ZNF599: variants seen among roughly 807,000 people sequenced by gnomAD.
ZNF599 encodes the protein zinc finger protein 599.
In ZNF599, 10 loss-of-function variants were observed where a neutral mutation model predicts 11.7. That is an observed-to-expected ratio of 0.86 (90% CI 0.53 to 1.45). ZNF599 has a LOEUF of 1.45. Among genes scored for constraint, ZNF599 ranks in the 40% most tolerant of loss-of-function variants. ZNF599 has a pLI of 0.00. For missense variants in ZNF599, 688 were observed against 713.6 expected (o/e 0.96, Z 0.41); for synonymous variants, 232 against 253.2 (o/e 0.92, Z 0.79).
At chr19:34,765,421 C>A in intron 3 of ZNF599, 1 of 617,914 alleles carries the variant, frequency 1.6e-6, no homozygotes, top group Non-Finnish European at 2.9e-6. Flanking sequence ...CTGCCTATGA[C>A]ACGCCTGAGA....
Position 34,773,152 on chromosome 19 carries a change from T to G in ZNF599, c.-311A>C, listed in dbSNP as rs2069197075. On this transcript the variant is annotated 5_prime_UTR_variant, in exon 1 of 4. Transcript: ENST00000329285. ...GAAAAGTGGCCCCTGTCTGGCGTTC[T>G]ACCCAGTGTAGCGTTGGCAACCACA... The G allele has an allele frequency of 1.1e-5, 4 of 369,250 alleles. No individual in the cohort carries two copies. The highest frequency in any genetic ancestry group is 1.9e-5 in the Non-Finnish European group (4 of 206,236). The allele number at this position is 369,250 out of a possible 1,614,324, so 22.9% of individuals were successfully genotyped here. A position where few individuals can be genotyped will look rare whatever the true frequency, so the allele number is the denominator to read the frequency against.
chr19:34,772,426 A>G (rs1050383952), intron 1 of ZNF599: 1 of 1,042,932 alleles, frequency 9.6e-7, no homozygotes, highest in Non-Finnish European at 1.2e-6. Flanking sequence ...AGCAGGACCT[A>G]GAGAGTCCTT....
rs1479773425 is a variant in ZNF599, at chr19:34,773,056, T to G, written c.-215A>C. ...AGGGTTTTGCAGACGCTTGTGGGGG[T>G]GGGATCGCGGCTGACATAAAAGCGT... On this transcript the variant is annotated 5_prime_UTR_variant, in exon 1 of 4. Coordinates refer to ENST00000329285, the MANE Select transcript of ZNF599 (RefSeq NM_001007248.3). 3 of 552,692 alleles carry G rather than the reference T, an allele frequency of 5.4e-6. No individual in the cohort carries two copies. In the African/African-American group the frequency reaches 6.1e-5, roughly 11 times the overall value. 34.2% of individuals were successfully genotyped at this position (552,692 alleles called of 1,614,324 possible).
Position 34,769,480 on chromosome 19 carries a change from T to C in ZNF599, c.94A>G (p.Thr32Ala), listed in dbSNP as rs560515094. ...EWGHLDLAQR[T>A]LYQEVMLETC... is the part of the protein sequence containing the mutation. ...TCCAGCATCACCTCCTGGTACAGGG[T>C]CCTCTGGGCCAGGTCCAGGTGCCCC... Residue 32 changes from threonine (T) to alanine (A), a missense_variant, in exon 2 of 4, where the codon ACC becomes GCC. Physicochemically the swap from Thr to Ala is moderately conservative, Grantham distance 58. Transcript: ENST00000329285. The C allele has an allele frequency of 1.2e-6, 2 of 1,614,130 alleles. No homozygotes were observed. The highest frequency in any genetic ancestry group is 2.2e-5 in the South Asian group (2 of 91,068).
At chr19:34,779,426 C>A in the ZNF599 span, 2 of 455,046 alleles carry the variant, frequency 4.4e-6, no homozygotes, top group Admixed American at 4.7e-5. Flanking sequence ...AGTCACTACA[C>A]TCATGAAAAC....
the ZNF599 span, among the ~76,000 whole-genome samples, chr19:34,807,190 CTCTCCCGCT>C: frequency 6.6e-6 from 1 of 152,210 alleles, no homozygotes; most frequent in African/African-American, 2.4e-5. Flanking sequence ...CACCCATGAG[CTCTCCCGCT>C]TCCCCCAGCC....
rs139293780 is a variant in ZNF599 at position 34,760,273 on chromosome 19, A to G, written c.528T>C (p.Asp176=). The part of the protein sequence containing the change: ...RVLQERVTPQ[D]ALHECDSQGP... ...CTTGAGAGTCACACTCATGGAGAGC[A>G]TCTTGTGGAGTGACTCGTTCCTGTA... The change falls in exon 4 of 4, where the codon GAT becomes GAC. Residue 176 remains aspartate (D), a synonymous_variant. Coordinates refer to ENST00000329285, the MANE Select transcript of ZNF599 (RefSeq NM_001007248.3). The G allele has an allele frequency of 9.4e-4, 1,524 of 1,614,052 alleles. 3 individuals carry two copies. The highest frequency in any genetic ancestry group is 1.3e-3 in the Non-Finnish European group (1,479 of 1,180,042).
In ZNF599 at chr19:34,758,504, G is replaced by A. The variant is rs2145445817; in HGVS notation, c.*530C>T. On this transcript the variant is annotated 3_prime_UTR_variant, in exon 4 of 4. Transcript: ENST00000329285. The stretch of plus-strand genomic sequence containing the variant: ...CAATGGTCCAACTCTCCTGGCTCTG[G>A]ACTTAGAGATATATATATGTAAAAC... 1 of 152,498 alleles carries A rather than the reference G, an allele frequency of 6.6e-6. No individual in the cohort carries two copies. Among genetic ancestry groups the A allele is most frequent in the African/African-American group, 2.4e-5 (1 of 41,538 alleles). The allele number at this position is 152,498 out of a possible 1,614,324, so 9.4% of individuals were successfully genotyped here.
chr19:34,786,044 A>G, the ZNF599 span, among the ~76,000 whole-genome samples: 1 of 152,128 alleles, frequency 6.6e-6, no homozygotes, highest in African/African-American at 2.4e-5. Context: ...CAGGAGGATC[A>G]TAGCTAATGC....
chr19:34,765,705 A>G (rs756917782), intron 3 of ZNF599: 2 of 702,534 alleles, frequency 2.8e-6, no homozygotes, highest in South Asian at 3.0e-5. Context: ...TCAAGTGTGT[A>G]GGCTTTATTC....
At chr19:34,769,856 CAAT>C (rs974515614) in intron 1 of ZNF599, among the ~76,000 whole-genome samples, 13 of 152,186 alleles carry the variant, frequency 8.5e-5, no homozygotes, top group African/African-American at 3.1e-4. Context: ...ATAATTCAAA[CAAT>C]AATCACAGCA....
the ZNF599 span, among the ~76,000 whole-genome samples, chr19:34,802,989 TA>T: frequency 1.3e-5 from 2 of 151,982 alleles, no homozygotes; most frequent in Admixed American, 1.3e-4. Context: ...AGGACATAAA[TA>T]GTGACCATGT....
At chr19:34,802,316 A>G in the ZNF599 span, among the ~76,000 whole-genome samples, 1 of 152,244 alleles carries the variant, frequency 6.6e-6, no homozygotes, top group Non-Finnish European at 1.5e-5. Flanking sequence ...AAAGGACACA[A>G]GGATGAGGTG....
chr19:34,789,847 T>C, the ZNF599 span, among the ~76,000 whole-genome samples: 1 of 152,224 alleles, frequency 6.6e-6, no homozygotes, highest in East Asian at 1.9e-4. Flanking sequence ...AAAACCTTTT[T>C]AGTTTGATGT....
chr19:34,791,271 G>A, the ZNF599 span, among the ~76,000 whole-genome samples: 2 of 152,188 alleles, frequency 1.3e-5, no homozygotes, highest in Non-Finnish European at 2.9e-5. Context: ...ATGGGTGCAA[G>A]TGGGCATGAC....
chr19:34,784,146 G>A, the ZNF599 span, among the ~76,000 whole-genome samples: 1 of 152,168 alleles, frequency 6.6e-6, no homozygotes. Flanking sequence ...AGTTCCAGGG[G>A]AGAATCCTGC....
chr19:34,775,107 T>C (rs2069211896), upstream of ZNF599, among the ~76,000 whole-genome samples: 1 of 152,218 alleles, frequency 6.6e-6, no homozygotes, highest in Non-Finnish European at 1.5e-5. Flanking sequence ...ATTGAGCAGA[T>C]GCTAGTGCTA....
intron 2 of ZNF599, among the ~76,000 whole-genome samples, chr19:34,768,552 T>C (rs1420287692): frequency 6.6e-6 from 1 of 152,236 alleles, no homozygotes; most frequent in Non-Finnish European, 1.5e-5. Context: ...TTGGTATTTA[T>C]TAATTTGTTA....
chr19:34,765,102 G>A (rs530313866), intron 3 of ZNF599: 1 of 152,824 alleles, frequency 6.5e-6, no homozygotes, highest in South Asian at 2.1e-4. Context: ...TTAATGTTGA[G>A]TAGAGAGGGG....
Sources: gnomAD v4.1 joint callset for allele counts (sites outside exome capture counted in the v4.1 genomes callset) on GRCh38, gnomAD v4.1.1 for gene constraint, MANE v1.5 for transcripts, NCBI Gene and HGNC (gene_info 2026-07-23, HGNC 2026-07-21) for gene names.